MGAT5B: variants seen among roughly 807,000 people sequenced by gnomAD.
The protein encoded by MGAT5B is alpha-1,6-mannosylglycoprotein 6-beta-N-acetylglucosaminyltransferase B.
MGAT5B carries 54 observed loss-of-function variants against 95.1 expected under a neutral mutation model. The observed-to-expected ratio is 0.57, with a 90% CI of 0.46 to 0.71. The LOEUF is 0.71. Among genes scored for constraint, MGAT5B ranks in the 30% least tolerant of loss-of-function variants. The pLI, the probability that MGAT5B is intolerant of heterozygous loss-of-function variation, is 0.00. For synonymous variants in MGAT5B, 464 were observed against 451.0 expected (o/e 1.03, Z -0.36); for missense variants, 935 against 1,088.6 (o/e 0.86, Z 1.99).
chr17:76,934,304 C>T (rs1165594439), intron 12 of MGAT5B, among the ~76,000 whole-genome samples: 1 of 152,214 alleles, frequency 6.6e-6, no homozygotes, highest in Non-Finnish European at 1.5e-5. Flanking sequence ...CACCAGGGCA[C>T]AGTGGGTTAG....
chr17:76,903,733 G>T (rs1968410481), intron 5 of MGAT5B, among the ~76,000 whole-genome samples: 1 of 152,214 alleles, frequency 6.6e-6, no homozygotes, highest in Admixed American at 6.5e-5. Flanking sequence ...CATGAAGTCT[G>T]CCCTTGTAGG....
rs1367028085 is a variant in MGAT5B at position 76,948,086 on chromosome 17, A to G, written c.2180A>G (p.Lys727Arg). Reference protein sequence around the residue: ...PFLNSQDAFLKLQVPCDSTES... With the variant: ...PFLNSQDAFLRLQVPCDSTES... ...CTGAACAGCCAGGACGCCTTCCTCA[A>G]GTGAGTGTTCCCCCACCCTCCCCAC... The change falls in exon 17 of 18, where the codon AAG (lysine) becomes AGG (arginine). Residue 727 changes from lysine to arginine, a missense_variant and splice_region_variant. Lys to Arg is a conservative substitution (Grantham distance 26, BLOSUM62 2). This residue lies in a region of MGAT5B where 440 missense variants were observed against 523.6 expected (regional missense o/e 0.84). Coordinates refer to ENST00000569840, the MANE Select transcript of MGAT5B (RefSeq NM_001199172.2). The G allele has an allele frequency of 6.3e-7, 1 of 1,591,530 alleles. No homozygotes were observed. Among genetic ancestry groups the G allele is most frequent in the Non-Finnish European group, 8.6e-7 (1 of 1,168,266 alleles).
chr17:76,884,156 C>T (rs1967534817), intron 3 of MGAT5B, among the ~76,000 whole-genome samples: 1 of 152,204 alleles, frequency 6.6e-6, no homozygotes, highest in South Asian at 2.1e-4. Flanking sequence ...TCTTACCTAC[C>T]TCACAACCAT....
intron 2 of MGAT5B, among the ~76,000 whole-genome samples, chr17:76,878,976 G>C (rs571984278): frequency 1.3e-5 from 2 of 150,906 alleles, no homozygotes; most frequent in Non-Finnish European, 3.0e-5. Flanking sequence ...GCAGCAGAGC[G>C]GGCCTGGAGT....
At chr17:76,881,654 A>C (rs1050677793) in intron 2 of MGAT5B, among the ~76,000 whole-genome samples, 2 of 152,194 alleles carry the variant, frequency 1.3e-5, no homozygotes, top group Admixed American at 6.5e-5. Context: ...CTGAATTTTA[A>C]CAGCCTGGCC....
intron 12 of MGAT5B, 64 bp from the exon 13 acceptor site, chr17:76,937,924 C>T: frequency 6.3e-7 from 1 of 1,585,956 alleles, no homozygotes; most frequent in Non-Finnish European, 8.6e-7. Context: ...AAAGGGATCT[C>T]CTCCATGGAC....
At chr17:76,895,528 A>G (rs35331801) in intron 3 of MGAT5B, among the ~76,000 whole-genome samples, 57,970 of 151,932 alleles carry the variant, frequency 0.38, 12,542 homozygotes, top group East Asian at 0.59. Flanking sequence ...TGAGATCAAG[A>G]CGTCAGCAGG....
intron 2 of MGAT5B, among the ~76,000 whole-genome samples, chr17:76,878,634 C>T (rs1967287018): frequency 6.6e-6 from 1 of 151,620 alleles, no homozygotes; most frequent in Non-Finnish European, 1.5e-5. Context: ...GCCACCATGC[C>T]CAGCTAATTT....
chr17:76,888,846 C>T (rs964908712), intron 3 of MGAT5B, among the ~76,000 whole-genome samples: 2 of 152,200 alleles, frequency 1.3e-5, no homozygotes, highest in African/African-American at 4.8e-5. Context: ...AGCTGCCTTC[C>T]AGAGTTCCCC....
chr17:76,947,720 GC>G, intron 16 of MGAT5B, 109 bp from the exon 17 acceptor site: 2 of 1,412,690 alleles, frequency 1.4e-6, no homozygotes, highest in Non-Finnish European at 1.8e-6. Flanking sequence ...TATTCAGTAA[GC>G]GCCCAGTAGT....
intron 16 of MGAT5B, among the ~76,000 whole-genome samples, chr17:76,947,405 C>T (rs562853320): frequency 1.2e-4 from 19 of 152,270 alleles, no homozygotes; most frequent in South Asian, 4.1e-4. Context: ...AAAGCATTCG[C>T]GGGGCCCTCC....
chr17:76,924,930 TC>T, intron 8 of MGAT5B, 35 bp from the exon 9 acceptor site: 1 of 1,610,362 alleles, frequency 6.2e-7, no homozygotes, highest in Non-Finnish European at 8.5e-7. Flanking sequence ...CAGGTGGGTT[TC>T]TTGGGGCCCA....
At chr17:76,945,600 A>G (rs1970006220) in intron 15 of MGAT5B, among the ~76,000 whole-genome samples, 1 of 152,136 alleles carries the variant, frequency 6.6e-6, no homozygotes, top group African/African-American at 2.4e-5. Context: ...ACTATTAGAT[A>G]TTTAGACAGA....
chr17:76,948,590 T>C (rs1217065080), intron 17 of MGAT5B, 50 bp from the exon 18 acceptor site: 2 of 1,560,408 alleles, frequency 1.3e-6, no homozygotes, highest in African/African-American at 2.7e-5. Context: ...CCCCAGCCCT[T>C]CTGCCCAAGT....
At chr17:76,891,070 T>C (rs991485077) in intron 3 of MGAT5B, among the ~76,000 whole-genome samples, 4 of 148,990 alleles carry the variant, frequency 2.7e-5, no homozygotes, top group African/African-American at 9.9e-5. Flanking sequence ...GTTCAAGCAA[T>C]TCTCCTGCCT....
Position 76,906,270 on chromosome 17 carries a change from T to TG in MGAT5B, c.1025+86dup. 3 of 1,370,704 alleles carry TG rather than the reference T, an allele frequency of 2.2e-6. No individual in the cohort carries two copies. The highest frequency in any genetic ancestry group is 2.9e-6 in the Non-Finnish European group (3 of 1,022,456). 84.9% of individuals were successfully genotyped at this position (1,370,704 alleles called of 1,614,324 possible). A position where few individuals can be genotyped will look rare whatever the true frequency, so the allele number is the denominator to read the frequency against. On this transcript the variant is annotated intron_variant, in intron 8 of 17. Coordinates refer to ENST00000569840, the MANE Select transcript of MGAT5B (RefSeq NM_001199172.2). The surrounding 1 kb of genome is among the most constrained non-coding windows in gnomAD (Gnocchi z 4.6). Reference sequence around the variant, plus strand: ...CCCCACCCCTCCCTCCCAGGGGCTGTGGGAGCACCTGCTCTGCCTGCAGGT... The same window carrying TG: ...CCCCACCCCTCCCTCCCAGGGGCTGTGGGGAGCACCTGCTCTGCCTGCAGGT...
intron 3 of MGAT5B, among the ~76,000 whole-genome samples, chr17:76,883,556 G>A (rs759272494): frequency 1.3e-5 from 2 of 152,146 alleles, no homozygotes; most frequent in Non-Finnish European, 2.9e-5. Context: ...ACAGGAGTGC[G>A]GGAGGTCAGG....
intron 10 of MGAT5B, among the ~76,000 whole-genome samples, chr17:76,928,904 C>T: frequency 6.7e-6 from 1 of 149,290 alleles, no homozygotes; most frequent in East Asian, 2.0e-4. Flanking sequence ...GAGACTCTGT[C>T]ACTCAGGCTG....
chr17:76,905,944 G>C lies in MGAT5B; in HGVS notation c.856-74G>C. 1 of 1,480,672 alleles carries C rather than the reference G, an allele frequency of 6.8e-7. No individual in the cohort carries two copies. The allele number at this position is 1,480,672 out of a possible 1,614,324, so 91.7% of individuals were successfully genotyped here. On this transcript the variant is annotated intron_variant, in intron 7 of 17. Transcript: ENST00000569840. The surrounding 1 kb of genome is among the most constrained non-coding windows in gnomAD (Gnocchi z 4.2). ...AGGGTCTGCTGCCGGCTGGTCTCCT[G>C]GCCGGTGCCCCGGGGGGGCGGGGCT...
Sources: gnomAD v4.1 joint callset for allele counts (sites outside exome capture counted in the v4.1 genomes callset) on GRCh38, gnomAD v4.1.1 for gene constraint, gnomAD v4.1.1 regional missense constraint, Gnocchi (gnomAD v3.1) non-coding constraint, MANE v1.5 for transcripts, NCBI Gene and HGNC (gene_info 2026-07-23, HGNC 2026-07-21) for gene names.